The following CRACR2A variants were observed in gnomAD, a reference collection of about 807,000 sequenced individuals.
CRACR2A encodes the protein calcium release activated channel regulator 2A, also known as EF-hand calcium-binding domain-containing protein 4B.
In CRACR2A, 79 loss-of-function variants were observed where a neutral mutation model predicts 90.5. The ratio of observed to expected loss-of-function variants is 0.87; its 90% confidence interval spans 0.73 to 1.05. The LOEUF is 1.05. Ranked by LOEUF, CRACR2A falls within the 50% of genes least tolerant of loss-of-function variation. The pLI, the probability that CRACR2A is intolerant of heterozygous loss-of-function variation, is 0.00. For missense variants in CRACR2A, 823 were observed against 897.2 expected (o/e 0.92, Z 1.06); for synonymous variants, 338 against 356.7 (o/e 0.95, Z 0.59).
chr12:3,640,904 T>C (rs4766151), intron 13 of CRACR2A: 832,497 of 1,077,312 alleles, frequency 0.77, 323,976 homozygotes, highest in East Asian at 0.96. Context: ...CAACAAAATG[T>C]GTTATGTTTG....
chr12:3,701,135 GA>G (rs1945828192), intron 3 of CRACR2A, among the ~76,000 whole-genome samples: 3 of 150,892 alleles, frequency 2.0e-5, no homozygotes, highest in Admixed American at 6.6e-5. Context: ...AAGGAAAGGG[GA>G]AATGAAAAAA....
At chr12:3,616,870 G>C in intron 19 of CRACR2A, 84 bp downstream of exon 19, 1 of 1,096,450 alleles carries the variant, frequency 9.1e-7, no homozygotes, top group Non-Finnish European at 1.4e-6. Flanking sequence ...GGTGTGGCCT[G>C]GGTGGAGGGA....
chr12:3,679,477 C>A (rs993444932), intron 5 of CRACR2A, among the ~76,000 whole-genome samples: 1 of 152,186 alleles, frequency 6.6e-6, no homozygotes, highest in Non-Finnish European at 1.5e-5. Flanking sequence ...CTATTGTCAT[C>A]CTAGTCATCC....
At chr12:3,640,711 T>C (rs1450773995) in intron 13 of CRACR2A, 3 of 1,305,288 alleles carry the variant, frequency 2.3e-6, no homozygotes, top group Non-Finnish European at 3.0e-6. Flanking sequence ...CATTTCATGC[T>C]TGCAGTCTTC....
chr12:3,713,781 T>C (rs1368729919), intron 2 of CRACR2A, among the ~76,000 whole-genome samples: 2 of 152,138 alleles, frequency 1.3e-5, no homozygotes, highest in Admixed American at 1.3e-4. Flanking sequence ...TGCAGTAGGA[T>C]GTACAAGAAA....
chr12:3,739,914 C>A (rs1257916669), intron 1 of CRACR2A, among the ~76,000 whole-genome samples: 1 of 137,598 alleles, frequency 7.3e-6, no homozygotes, highest in Admixed American at 7.5e-5. Flanking sequence ...AGCCTGGCGA[C>A]AGAGCGACTC....
chr12:3,634,389 G>C (rs2137335619), intron 14 of CRACR2A, among the ~76,000 whole-genome samples: 1 of 152,284 alleles, frequency 6.6e-6, no homozygotes, highest in East Asian at 1.9e-4. Context: ...TAGGAAGCTG[G>C]GAAATGCTAG....
intron 3 of CRACR2A, among the ~76,000 whole-genome samples, chr12:3,708,312 T>C (rs183760638): frequency 1.2e-4 from 19 of 152,318 alleles, no homozygotes; most frequent in Non-Finnish European, 2.4e-4. Flanking sequence ...TTAGAACACT[T>C]TTCTGGGGAC....
chr12:3,685,410 G>A (rs1350337657), intron 4 of CRACR2A, among the ~76,000 whole-genome samples: 1 of 152,112 alleles, frequency 6.6e-6, no homozygotes, highest in Non-Finnish European at 1.5e-5. Context: ...TAAAAAGCAA[G>A]GTCTTGAACA....
Position 3,696,996 on chromosome 12 carries a change from C to T in CRACR2A, c.4G>A (p.Ala2Thr). Reference protein sequence around the residue: MAAPDGRVVSRP... With the variant: MTAPDGRVVSRP... The stretch of plus-strand genomic sequence containing the variant: ...GAGACTACCCTCCCGTCAGGGGCAG[C>T]CATCGCGATTAGTCAGTTTCTTGAA... The change falls in exon 4 of 20, where the codon GCT becomes ACT. Residue 2 changes from alanine (A) to threonine (T), a missense_variant. By Grantham distance (58) the Ala-to-Thr change is moderately conservative (BLOSUM62 0). Transcript: ENST00000440314. 1 of 1,610,130 alleles carries T rather than the reference C, an allele frequency of 6.2e-7. No homozygotes were observed.
At position 3,627,649 on chromosome 12, in the gene CRACR2A, A is replaced by G; in HGVS notation, c.1793T>C (p.Leu598Pro). 2 of 1,551,784 alleles carry G rather than the reference A, an allele frequency of 1.3e-6. No individual in the cohort carries two copies. Among genetic ancestry groups the G allele is most frequent in the South Asian group, 2.4e-5 (2 of 84,056 alleles). The change falls in exon 16 of 20, where the codon CTG (leucine) becomes CCG (proline). Residue 598 changes from leucine (L) to proline (P), a missense_variant. Physicochemically the swap from Leu to Pro is moderately conservative, Grantham distance 98 (BLOSUM62 -3). Coordinates refer to ENST00000440314, the MANE Select transcript of CRACR2A (RefSeq NM_001144958.2). ...NVDNSQVALQ[L>P]WDTAGQERYR... ...CCTCTCCTGCCCAGCCGTGTCCCAC[A>G]GCTGCAGGGCCACCTGAGAGTTGTC... is the stretch of plus-strand genomic sequence containing the variant.
At position 3,746,342 on chromosome 12, in the gene CRACR2A, A is replaced by G. The variant is rs1334045044; in HGVS notation, c.-387+6673T>C. On this transcript the variant is annotated intron_variant, in intron 1 of 19. Transcript: ENST00000440314. The surrounding 1 kb of genome is among the most constrained non-coding windows in gnomAD (Gnocchi z 4.4). ...TGGGATTAGTGCCCATCATGAAGAGACACCAGAGAGCTCTCTCTCTCTCTC... is the reference window on the plus strand; with the variant it reads ...TGGGATTAGTGCCCATCATGAAGAGGCACCAGAGAGCTCTCTCTCTCTCTC... Among the ~76,000 whole-genome samples the G allele has an allele frequency of 4.0e-5, 6 of 151,556 alleles. No individual in the cohort carries two copies. The highest frequency in any genetic ancestry group is 1.5e-5 in the Non-Finnish European group (1 of 67,812).
intron 10 of CRACR2A, among the ~76,000 whole-genome samples, chr12:3,650,247 A>T (rs1300592509): frequency 6.6e-6 from 1 of 152,186 alleles, no homozygotes; most frequent in East Asian, 1.9e-4. Context: ...CTGCACCAAC[A>T]TGCTGGCCCA....
chr12:3,719,224 A>G (rs1377162311), intron 2 of CRACR2A, among the ~76,000 whole-genome samples: 3 of 152,188 alleles, frequency 2.0e-5, no homozygotes, highest in Admixed American at 1.3e-4. Context: ...TCCCACAGGC[A>G]ATGTAGAGGT....
intron 2 of CRACR2A, among the ~76,000 whole-genome samples, chr12:3,717,548 CGACT>C (rs1946099828): frequency 6.6e-6 from 1 of 152,126 alleles, no homozygotes; most frequent in Non-Finnish European, 1.5e-5. Context: ...GACACACCAC[CGACT>C]GAACGATAAC....
At chr12:3,670,589 T>G (rs1158554136) in intron 7 of CRACR2A, among the ~76,000 whole-genome samples, 12 of 152,152 alleles carry the variant, frequency 7.9e-5, no homozygotes, top group Admixed American at 7.9e-4. Flanking sequence ...CCTTTATACA[T>G]AGGTCCACCA....
At chr12:3,658,774 C>G (rs1446092365) in intron 8 of CRACR2A, among the ~76,000 whole-genome samples, 1 of 151,956 alleles carries the variant, frequency 6.6e-6, no homozygotes, top group Non-Finnish European at 1.5e-5. Context: ...GCAGAGAACT[C>G]ACCAAGTAGA....
intron 2 of CRACR2A, chr12:3,727,211 A>C (rs1946284545): frequency 6.6e-6 from 1 of 151,780 alleles, no homozygotes; most frequent in African/African-American, 2.4e-5. Flanking sequence ...GGGCGGTGAG[A>C]AGAAGAGGAT....
At chr12:3,637,143 C>A (rs73243780) in intron 14 of CRACR2A, among the ~76,000 whole-genome samples, 3,899 of 152,212 alleles carry the variant, frequency 0.026, 158 homozygotes, top group African/African-American at 0.088. Flanking sequence ...ACCTGGTGGG[C>A]AGTACAGGGT....
Sources: allele counts gnomAD v4.1 joint callset (sites outside exome capture counted in the v4.1 genomes callset), GRCh38; gene constraint gnomAD v4.1.1; non-coding constraint Gnocchi (gnomAD v3.1); transcripts MANE v1.5; gene names NCBI Gene and HGNC (gene_info 2026-07-23, HGNC 2026-07-21).